The following LRP2 variants were observed in gnomAD, a reference collection of about 807,000 sequenced individuals.
LRP2 encodes low-density lipoprotein receptor-related protein 2.
Under a neutral mutation model 531.0 loss-of-function variants are expected in LRP2, and 172 were observed. That is an observed-to-expected ratio of 0.32 (90% confidence interval 0.29 to 0.37). The LOEUF (loss-of-function observed/expected upper bound fraction) is 0.37. Ranked by LOEUF, LRP2 falls within the 10% of genes least tolerant of loss-of-function variation. LRP2 has a pLI of 1.00. For missense variants in LRP2, 5,167 were observed against 5,868.3 expected (o/e 0.88, Z 3.90); for synonymous variants, 1,992 against 2,027.6 (o/e 0.98, Z 0.47).
intron 37 of LRP2, among the ~76,000 whole-genome samples, chr2:169,210,502 A>G (rs1169736188): frequency 6.6e-6 from 1 of 152,268 alleles, no homozygotes. Flanking sequence ...TCAAGCAATT[A>G]GACCTAACTT....
At chr2:169,303,031 A>G (rs1286207232) in intron 4 of LRP2, among the ~76,000 whole-genome samples, 1 of 152,132 alleles carries the variant, frequency 6.6e-6, no homozygotes, top group Non-Finnish European at 1.5e-5. Context: ...TGAAATATTT[A>G]CAGGTGGAAT....
At chr2:169,320,100 T>C (rs1684869976) in intron 2 of LRP2, among the ~76,000 whole-genome samples, 1 of 152,208 alleles carries the variant, frequency 6.6e-6, no homozygotes, top group South Asian at 2.1e-4. Flanking sequence ...TGCATAGACT[T>C]ACCAACTGTA....
chr2:169,143,320 C>T (rs1447256072), intron 70 of LRP2, among the ~76,000 whole-genome samples: 1 of 152,148 alleles, frequency 6.6e-6, no homozygotes, highest in African/African-American at 2.4e-5. Flanking sequence ...AGCAATGGTT[C>T]CTCATAATCA....
At chr2:169,349,592 G>A (rs887897492) in intron 1 of LRP2, among the ~76,000 whole-genome samples, 2 of 152,194 alleles carry the variant, frequency 1.3e-5, no homozygotes, top group African/African-American at 4.8e-5. Context: ...GACCAGCTAT[G>A]AGGAAGGACT....
At chr2:169,246,573 G>T in intron 21 of LRP2, 132 bp downstream of exon 21, 1 of 1,093,120 alleles carries the variant, frequency 9.1e-7, no homozygotes, top group Non-Finnish European at 1.4e-6. Flanking sequence ...AGCCTTCAAA[G>T]TGCATGTTAA....
At chr2:169,240,646 T>C (rs1271831544) in intron 25 of LRP2, 2 of 481,392 alleles carry the variant, frequency 4.2e-6, no homozygotes, top group East Asian at 3.4e-5. Context: ...TAAGTTCTGA[T>C]TGAAATTAGA....
intron 61 of LRP2, among the ~76,000 whole-genome samples, chr2:169,167,428 G>T (rs1297223155): frequency 6.6e-6 from 1 of 152,150 alleles, no homozygotes; most frequent in Non-Finnish European, 1.5e-5. Flanking sequence ...GCTTCTCCAG[G>T]TCTTGTCTCC....
intron 4 of LRP2, among the ~76,000 whole-genome samples, chr2:169,304,271 T>G (rs1057398403): frequency 6.6e-6 from 1 of 152,172 alleles, no homozygotes; most frequent in Non-Finnish European, 1.5e-5. Context: ...AGATAGGACT[T>G]TCTCCTTCTG....
At chr2:169,190,681 CA>C (rs537890663) in intron 48 of LRP2, among the ~76,000 whole-genome samples, 147 of 152,324 alleles carry the variant, frequency 9.7e-4, no homozygotes, top group African/African-American at 3.1e-3. Context: ...TGTCCCTTAA[CA>C]GTCCTTGGCA....
chr2:169,162,392 G>C, intron 63 of LRP2, 80 bp downstream of exon 63: 1 of 1,515,076 alleles, frequency 6.6e-7, no homozygotes, highest in Non-Finnish European at 9.1e-7. Flanking sequence ...TGTGGTCAGT[G>C]TCTACATTAT....
intron 1 of LRP2, among the ~76,000 whole-genome samples, chr2:169,355,876 C>T (rs1685973223): frequency 6.6e-6 from 1 of 152,180 alleles, no homozygotes; most frequent in South Asian, 2.1e-4. Context: ...ACCTAATTAT[C>T]TGTATCTTTT....
intron 1 of LRP2, among the ~76,000 whole-genome samples, chr2:169,350,362 TG>T (rs1469145382): frequency 2.0e-5 from 3 of 152,020 alleles, no homozygotes; most frequent in Non-Finnish European, 4.4e-5. Flanking sequence ...TATAGGGTAG[TG>T]GTCTGGATTA....
intron 61 of LRP2, among the ~76,000 whole-genome samples, chr2:169,166,670 C>T (rs1193220762): frequency 2.6e-5 from 4 of 152,150 alleles, no homozygotes; most frequent in African/African-American, 9.7e-5. Context: ...CATTTAAAAT[C>T]GATATCTCAC....
rs1286937485 is a variant in LRP2 at position 169,294,709 on chromosome 2, C to T, written c.429G>A (p.Gln143=). Residue 143 remains glutamine (Q), a splice_region_variant and synonymous_variant, in exon 5 of 79, where the codon CAG becomes CAA. Transcript: ENST00000649046. ...AAGTAAGCTGCTCACATGTTGGGTA[C>T]TCTATTGTAAAAAAAAAAAAAAAAA... ...CPDGADENDC[Q]YPTCEQLTCD... is the part of the protein sequence containing the mutation. The T allele has an allele frequency of 7.2e-6, 5 of 694,472 alleles. No individual in the cohort carries two copies. Among genetic ancestry groups the T allele is most frequent in the Non-Finnish European group, 1.2e-5 (5 of 413,844 alleles). 43.0% of individuals were successfully genotyped at this position (694,472 alleles called of 1,614,324 possible).
Position 169,236,002 on chromosome 2 carries a change from G to A in LRP2, c.4758C>T (p.Gly1586=). The A allele has an allele frequency of 6.2e-7, 1 of 1,614,224 alleles. No individual in the cohort carries two copies. Among genetic ancestry groups the A allele is most frequent in the Non-Finnish European group, 8.5e-7 (1 of 1,180,044 alleles). ...CCTGGACAATGACAGTGCGCATGCT[G>A]CCGTCCATGCTGGCTCGCTCGATGC... is the stretch of plus-strand genomic sequence containing the variant. ...HPRIERASMD[G]SMRTVIVQDK... The change falls in exon 29 of 79, where the codon GGC becomes GGT. Residue 1586 remains glycine, a synonymous_variant. Coordinates refer to ENST00000649046, the MANE Select transcript of LRP2 (RefSeq NM_004525.3).
intron 31 of LRP2, among the ~76,000 whole-genome samples, chr2:169,229,787 T>C (rs1019364720): frequency 6.6e-6 from 1 of 152,200 alleles, no homozygotes; most frequent in Non-Finnish European, 1.5e-5. Flanking sequence ...AGGCCAATAT[T>C]GTGCAATATC....
intron 16 of LRP2, among the ~76,000 whole-genome samples, chr2:169,270,034 T>A (rs1368276916): frequency 1.3e-5 from 2 of 151,992 alleles, no homozygotes; most frequent in East Asian, 3.9e-4. Context: ...ATCAGAGAAA[T>A]GCAAATCAAA....
intron 4 of LRP2, among the ~76,000 whole-genome samples, chr2:169,306,172 A>G (rs12622085): frequency 0.23 from 34,366 of 151,626 alleles, 4,681 homozygotes; most frequent in Middle Eastern, 0.39. Context: ...ATATTAAAAT[A>G]TATATATATT....
intron 13 of LRP2, among the ~76,000 whole-genome samples, chr2:169,276,004 T>C (rs1222801300): frequency 2.0e-5 from 3 of 152,048 alleles, no homozygotes; most frequent in Admixed American, 2.0e-4. Flanking sequence ...TTATTTTCTT[T>C]ATTTTGGCGT....
Sources: allele counts gnomAD v4.1 joint callset (sites outside exome capture counted in the v4.1 genomes callset), GRCh38; gene constraint gnomAD v4.1.1; transcripts MANE v1.5; gene names NCBI Gene and HGNC (gene_info 2026-07-23, HGNC 2026-07-21).